Variants in LRRC28 observed in about 807,000 individuals in gnomAD.
LRRC28 encodes the protein leucine rich repeat containing 28.
LRRC28 carries 39 observed loss-of-function variants against 45.7 expected under a neutral mutation model. That is an observed-to-expected ratio of 0.85 (90% CI 0.66 to 1.12). LRRC28 has a LOEUF of 1.12. Among genes scored for constraint, LRRC28 ranks in the 50% most tolerant of loss-of-function variants. The probability of loss-of-function intolerance (pLI) is 0.00; values close to 1 mark genes in which losing one functional copy is unlikely to be tolerated. For synonymous variants in LRRC28, 206 were observed against 178.8 expected (o/e 1.15, Z -1.22); for missense variants, 435 against 438.5 (o/e 0.99, Z 0.07).
intron 5 of LRRC28, among the ~76,000 whole-genome samples, chr15:99,290,395 G>A (rs1338606907): frequency 2.6e-5 from 4 of 151,966 alleles, no homozygotes; most frequent in Non-Finnish European, 5.9e-5. Context: ...ACACAATACA[G>A]GAATATGGTC....
chr15:99,278,969 C>T (rs2152183232), intron 3 of LRRC28, among the ~76,000 whole-genome samples: 1 of 152,360 alleles, frequency 6.6e-6, no homozygotes, highest in South Asian at 2.1e-4. Context: ...TCCCTCATTT[C>T]CTTGCCATTT....
intron 3 of LRRC28, among the ~76,000 whole-genome samples, chr15:99,280,824 T>C (rs1039737061): frequency 4.6e-5 from 7 of 152,186 alleles, no homozygotes; most frequent in African/African-American, 1.7e-4. Flanking sequence ...GGCCCCTGCT[T>C]GTGGAACTCT....
intron 3 of LRRC28, among the ~76,000 whole-genome samples, chr15:99,279,001 A>G (rs1228013470): frequency 6.6e-6 from 1 of 152,230 alleles, no homozygotes; most frequent in Non-Finnish European, 1.5e-5. Context: ...AGGATAGTTC[A>G]CAACATAGCA....
At chr15:99,325,134 T>C (rs1955929922) in intron 5 of LRRC28, among the ~76,000 whole-genome samples, 2 of 152,232 alleles carry the variant, frequency 1.3e-5, no homozygotes, top group South Asian at 2.1e-4. Context: ...TTGTAGCATA[T>C]AAGTTTTGTA....
chr15:99,361,661 A>G lies in LRRC28; in HGVS notation c.871+150A>G, dbSNP rs1957207822. 9.6e-6 allele frequency: 7 copies of G among 732,482 alleles called. No homozygotes were observed. In the East Asian group the frequency reaches 1.9e-4, roughly 20 times the overall value. The allele number at this position is 732,482 out of a possible 1,614,324, so 45.4% of individuals were successfully genotyped here. A position where few individuals can be genotyped will look rare whatever the true frequency, so the allele number is the denominator to read the frequency against. ...GTAACCATTTTATCCATCTTTAAGT[A>G]TACAGTTCAGTGGCATTAAGTCCAT... On this transcript the variant is annotated intron_variant, in intron 8 of 9. Transcript: ENST00000301981.
chr15:99,378,483 A>C (rs1275102977), intron 9 of LRRC28, among the ~76,000 whole-genome samples: 3 of 152,180 alleles, frequency 2.0e-5, no homozygotes, highest in Non-Finnish European at 4.4e-5. Flanking sequence ...TGTCATCTGC[A>C]AACAGGGACA....
intron 5 of LRRC28, among the ~76,000 whole-genome samples, chr15:99,299,940 C>G (rs1262789182): frequency 6.6e-6 from 1 of 152,140 alleles, no homozygotes; most frequent in Non-Finnish European, 1.5e-5. Context: ...ACAAATATCA[C>G]TAGTTGTTTA....
chr15:99,361,480 G>T lies in LRRC28; in HGVS notation c.840G>T (p.Gly280=), dbSNP rs1957200996. 3.7e-6 allele frequency: 6 copies of T among 1,613,088 alleles called. No individual in the cohort carries two copies. The East Asian group carries it at 1.3e-4, about 36-fold the overall frequency. The stretch of plus-strand genomic sequence containing the variant: ...CTCTGCAGGAATTGGCTATGAGAGG[G>T]CTGTATCATACCTACCACAGCTTGC... ...VLPLQELAMR[G]LYHTYHSLLK... The change falls in exon 8 of 10, where the codon GGG becomes GGT. Residue 280 remains glycine (G), a synonymous_variant. Coordinates refer to ENST00000301981, the MANE Select transcript of LRRC28 (RefSeq NM_144598.5).
At chr15:99,287,975 A>G (rs372937142) in intron 5 of LRRC28, 24 bp downstream of exon 5, 13 of 1,587,082 alleles carry the variant, frequency 8.2e-6, no homozygotes, top group African/African-American at 8.1e-5. Context: ...CTAGCACACT[A>G]TAGTTTCTTG....
At chr15:99,339,713 A>AG (rs1448410946) in intron 6 of LRRC28, among the ~76,000 whole-genome samples, 15 of 142,518 alleles carry the variant, frequency 1.1e-4, no homozygotes, top group African/African-American at 3.8e-4. Flanking sequence ...CAACAGAGTG[A>AG]GAAAAAAAAA....
intron 6 of LRRC28, 105 bp from the exon 7 acceptor site, chr15:99,352,264 G>A (rs1342575871): frequency 1.3e-6 from 1 of 789,040 alleles, no homozygotes; most frequent in Non-Finnish European, 2.0e-6. Flanking sequence ...TTTTCTTCCA[G>A]AGTAGAAATC....
intron 9 of LRRC28, among the ~76,000 whole-genome samples, chr15:99,380,554 G>A (rs1396872319): frequency 6.6e-6 from 1 of 152,172 alleles, no homozygotes; most frequent in Non-Finnish European, 1.5e-5. Context: ...ATATTGTTAT[G>A]TGTGAATTTG....
chr15:99,385,263 G>A (rs538255062), intron 9 of LRRC28, among the ~76,000 whole-genome samples: 13 of 152,356 alleles, frequency 8.5e-5, no homozygotes, highest in Middle Eastern at 3.4e-3. Flanking sequence ...TGCTGGTAAA[G>A]TCTACAGAGG....
chr15:99,353,130 A>G (rs1168074478), intron 7 of LRRC28, among the ~76,000 whole-genome samples: 1 of 152,138 alleles, frequency 6.6e-6, no homozygotes, highest in Non-Finnish European at 1.5e-5. Context: ...GAACCACCCT[A>G]AAGTGTTTCC....
chr15:99,329,975 A>G (rs1956108364), intron 5 of LRRC28, among the ~76,000 whole-genome samples: 1 of 152,172 alleles, frequency 6.6e-6, no homozygotes, highest in Non-Finnish European at 1.5e-5. Context: ...AAAAATATGT[A>G]TGTTTATTGC....
chr15:99,258,209 G>A (rs1466201778), intron 2 of LRRC28: 1 of 1,610,110 alleles, frequency 6.2e-7, no homozygotes, highest in Non-Finnish European at 8.5e-7. Flanking sequence ...CCAGTTTGGT[G>A]TCAGTTTCTA....
rs1404172572 is a variant in LRRC28 at position 99,387,103 on chromosome 15, C to T, written c.*1001C>T. 3 of 151,618 alleles carry T rather than the reference C, an allele frequency of 2.0e-5. No homozygotes were observed. Among genetic ancestry groups the T allele is most frequent in the Non-Finnish European group, 4.4e-5 (3 of 67,930 alleles). The allele number at this position is 151,618 out of a possible 1,614,324, so 9.4% of individuals were successfully genotyped here. On this transcript the variant is annotated 3_prime_UTR_variant, in exon 10 of 10. Transcript: ENST00000301981. ...TGAGACGGAGTCTCGCTCTGTCGCCCAGGCTGGAGTGCAGTGGCGGGATCT... is the reference window on the plus strand; with the variant it reads ...TGAGACGGAGTCTCGCTCTGTCGCCTAGGCTGGAGTGCAGTGGCGGGATCT...
intron 5 of LRRC28, among the ~76,000 whole-genome samples, chr15:99,318,801 GA>G (rs775828685): frequency 2.0e-5 from 3 of 152,040 alleles, no homozygotes; most frequent in Admixed American, 6.5e-5. Context: ...TTAATTGAGA[GA>G]TTTTTTTTAA....
chr15:99,350,875 T>C (rs1956855896), intron 6 of LRRC28, among the ~76,000 whole-genome samples: 1 of 152,160 alleles, frequency 6.6e-6, no homozygotes, highest in East Asian at 1.9e-4. Flanking sequence ...TCTTGGCTCA[T>C]TGCAGCCTCG....
Sources: gnomAD v4.1 joint callset for allele counts (sites outside exome capture counted in the v4.1 genomes callset) on GRCh38, gnomAD v4.1.1 for gene constraint, MANE v1.5 for transcripts, NCBI Gene and HGNC (gene_info 2026-07-23, HGNC 2026-07-21) for gene names.